The following GXYLT2 variants were observed in gnomAD, a reference collection of about 807,000 sequenced individuals.
GXYLT2 encodes glucoside xylosyltransferase 2.
A neutral mutation model predicts 45.8 loss-of-function variants in GXYLT2; 53 were observed. The observed-to-expected ratio is 1.16, with a 90% CI of 0.93 to 1.46. The LOEUF (loss-of-function observed/expected upper bound fraction) is 1.46. GXYLT2 is among the 40% of genes most tolerant of loss of function. The pLI, the probability that GXYLT2 is intolerant of heterozygous loss-of-function variation, is 0.00. For synonymous variants in GXYLT2, 219 were observed against 214.2 expected (o/e 1.02, Z -0.19); for missense variants, 551 against 544.4 (o/e 1.01, Z -0.12).
At chr3:72,901,786 A>G (rs1213600777) in intron 1 of GXYLT2, among the ~76,000 whole-genome samples, 4 of 151,306 alleles carry the variant, frequency 2.6e-5, no homozygotes, top group African/African-American at 9.7e-5. Flanking sequence ...GTCTCAAACT[A>G]CTGACCTCAA....
chr3:72,966,055 A>G (rs1465748437), intron 5 of GXYLT2, among the ~76,000 whole-genome samples: 1 of 151,908 alleles, frequency 6.6e-6, no homozygotes. Flanking sequence ...ATCTCAGCTC[A>G]CTGCAACCCC....
At chr3:72,939,500 T>G (rs1202482304) in intron 3 of GXYLT2, among the ~76,000 whole-genome samples, 2 of 152,150 alleles carry the variant, frequency 1.3e-5, no homozygotes, top group Admixed American at 1.3e-4. Context: ...TTTCCAAGTA[T>G]TCATTATTCT....
rs2107110728 is a variant in GXYLT2 at position 72,929,201 on chromosome 3, A to T, written c.600+6866A>T. 4 of 1,586,664 alleles carry T rather than the reference A, an allele frequency of 2.5e-6. No individual in the cohort carries two copies. The East Asian group carries it at 8.9e-5, about 35-fold the overall frequency. On this transcript the variant is annotated intron_variant, in intron 3 of 6. Transcript: ENST00000389617. ...TGATGTGGCTTTGAAGAACTTTGCC[A>T]AATACTTTCTTCACCAATCTCATGA...
chr3:72,944,502 G>T (rs1317770964), intron 3 of GXYLT2, among the ~76,000 whole-genome samples: 1 of 152,022 alleles, frequency 6.6e-6, no homozygotes, highest in African/African-American at 2.4e-5. Flanking sequence ...TGATCCGCCC[G>T]CCTCAGCCTC....
At chr3:72,902,974 T>C (rs1218037189) in intron 1 of GXYLT2, among the ~76,000 whole-genome samples, 2 of 152,122 alleles carry the variant, frequency 1.3e-5, no homozygotes, top group Non-Finnish European at 2.9e-5. Flanking sequence ...ATCACACCAT[T>C]GCACTCCAGC....
At position 72,975,042 on chromosome 3, in the gene GXYLT2, T is replaced by C. The variant is rs773018852; in HGVS notation, c.1215T>C (p.Thr405=). The change falls in exon 7 of 7, where the codon ACT becomes ACC. Residue 405 remains threonine (T), a synonymous_variant. Coordinates refer to ENST00000389617, the MANE Select transcript of GXYLT2 (RefSeq NM_001080393.2). ...YYPLQLKFLE[T]VHTLCGRIPQ... The stretch of plus-strand genomic sequence containing the variant: ...CCCTTCAGCTGAAGTTTTTGGAGAC[T>C]GTGCACACTTTATGTGGACGAATCC... The C allele has an allele frequency of 1.9e-5, 30 of 1,612,830 alleles. 1 individual carries two copies. The highest frequency in any genetic ancestry group is 2.2e-5 in the Non-Finnish European group (26 of 1,179,238).
In GXYLT2 at chr3:72,933,799, G is replaced by A. The variant is rs549135966; in HGVS notation, c.600+11464G>A. Reference sequence around the variant, plus strand: ...GTCTGTAGTCCCAGCAGCCTGGGGGGGCCGAGCTTGGAGGATCACTTGAGC... The same window carrying A: ...GTCTGTAGTCCCAGCAGCCTGGGGGAGCCGAGCTTGGAGGATCACTTGAGC... On this transcript the variant is annotated intron_variant, in intron 3 of 6. Transcript: ENST00000389617. Among the ~76,000 whole-genome samples the A allele has an allele frequency of 1.4e-4, 21 of 152,184 alleles. 1 individual carries two copies. Among genetic ancestry groups the A allele is most frequent in the African/African-American group, 2.9e-4 (12 of 41,516 alleles).
At chr3:72,919,761 A>C (rs1346307791) in intron 2 of GXYLT2, among the ~76,000 whole-genome samples, 1 of 152,170 alleles carries the variant, frequency 6.6e-6, no homozygotes, top group Non-Finnish European at 1.5e-5. Context: ...TCTCAAAAAC[A>C]AAAAGAAGTT....
At chr3:72,905,927 A>G (rs1709502770) in intron 1 of GXYLT2, among the ~76,000 whole-genome samples, 1 of 152,214 alleles carries the variant, frequency 6.6e-6, no homozygotes, top group Non-Finnish European at 1.5e-5. Context: ...CCAATATGTA[A>G]AGCTAAACTA....
intron 2 of GXYLT2, among the ~76,000 whole-genome samples, chr3:72,917,831 T>C (rs1709767855): frequency 6.6e-6 from 1 of 151,800 alleles, no homozygotes; most frequent in African/African-American, 2.4e-5. Context: ...AATTCATAAA[T>C]AATAAATGGA....
At chr3:72,967,328 T>G (rs1382874306) in intron 5 of GXYLT2, among the ~76,000 whole-genome samples, 1 of 152,202 alleles carries the variant, frequency 6.6e-6, no homozygotes, top group Non-Finnish European at 1.5e-5. Flanking sequence ...TCTCTTCTTT[T>G]TTTGGATGAA....
chr3:72,931,634 C>T (rs554327511), intron 3 of GXYLT2, among the ~76,000 whole-genome samples: 1 of 152,160 alleles, frequency 6.6e-6, no homozygotes, highest in African/African-American at 2.4e-5. Context: ...TGGCAGACAC[C>T]TAACACAGGG....
intron 3 of GXYLT2, among the ~76,000 whole-genome samples, chr3:72,948,168 T>C (rs1467002243): frequency 3.9e-5 from 6 of 152,206 alleles, no homozygotes; most frequent in Non-Finnish European, 5.9e-5. Flanking sequence ...TCCATCCCTT[T>C]TTCTTTGTGT....
At chr3:72,892,206 A>G (rs1559722732) in intron 1 of GXYLT2, among the ~76,000 whole-genome samples, 1 of 152,242 alleles carries the variant, frequency 6.6e-6, no homozygotes, top group Non-Finnish European at 1.5e-5. Flanking sequence ...GAGATCATCA[A>G]GTTTAGCAGC....
intron 5 of GXYLT2, among the ~76,000 whole-genome samples, chr3:72,959,464 T>C (rs1710726086): frequency 6.6e-6 from 1 of 151,974 alleles, no homozygotes; most frequent in Non-Finnish European, 1.5e-5. Flanking sequence ...TCTCATTATG[T>C]TGCCCAAGGT....
chr3:72,928,966 C>A (rs1317855898), intron 3 of GXYLT2: 3 of 859,232 alleles, frequency 3.5e-6, no homozygotes, highest in African/African-American at 1.7e-5. Flanking sequence ...CACTTCACCG[C>A]GCCCTCGGTA....
chr3:72,912,963 A>C (rs1174018065), intron 2 of GXYLT2, among the ~76,000 whole-genome samples: 1 of 152,128 alleles, frequency 6.6e-6, no homozygotes, highest in African/African-American at 2.4e-5. Context: ...ATAGTTGTGA[A>C]GTTGTGCTAG....
chr3:72,949,549 A>G (rs11928869), intron 3 of GXYLT2, among the ~76,000 whole-genome samples: 31,572 of 122,596 alleles, frequency 0.26, 4,321 homozygotes, highest in African/African-American at 0.39. Flanking sequence ...GTCTTGCTCC[A>G]TCACCAGGCT....
intron 3 of GXYLT2, among the ~76,000 whole-genome samples, chr3:72,942,328 T>A (rs552556271): frequency 5.9e-5 from 9 of 152,210 alleles, no homozygotes; most frequent in African/African-American, 2.2e-4. Flanking sequence ...CACCTCTTCC[T>A]TATAGAAAAT....
Sources: allele counts gnomAD v4.1 joint callset (sites outside exome capture counted in the v4.1 genomes callset), GRCh38; gene constraint gnomAD v4.1.1; transcripts MANE v1.5; gene names NCBI Gene and HGNC (gene_info 2026-07-23, HGNC 2026-07-21).